The following RSU1 variants were observed in gnomAD, a reference collection of about 807,000 sequenced individuals.
RSU1 encodes rsu-1.
In RSU1, 26 loss-of-function variants were observed where a neutral mutation model predicts 31.1. The observed-to-expected ratio is 0.84, with a 90% CI of 0.61 to 1.16. The LOEUF (loss-of-function observed/expected upper bound fraction) is 1.16, where lower values mean the gene tolerates loss of function less well. RSU1 is among the 50% of genes most tolerant of loss of function. RSU1 has a pLI of 0.00. For synonymous variants in RSU1, 164 were observed against 136.3 expected (o/e 1.20, Z -1.41); for missense variants, 320 against 339.1 (o/e 0.94, Z 0.44).
intron 8 of RSU1, among the ~76,000 whole-genome samples, chr10:16,622,077 C>T (rs1834080164): frequency 6.6e-6 from 1 of 152,012 alleles, no homozygotes; most frequent in Admixed American, 6.6e-5. Flanking sequence ...AACTCATGTA[C>T]CCCATAAATA....
chr10:16,723,011 A>ATATACATATATGCATATAGAC (rs1564332743), intron 7 of RSU1: 1 of 148,386 alleles, frequency 6.7e-6, no homozygotes, highest in African/African-American at 2.5e-5. Context: ...TATAGACACA[A>ATATACATATATGCATATAGAC]ACATACACAC....
chr10:16,773,998 C>A (rs1311774882), intron 3 of RSU1, among the ~76,000 whole-genome samples: 1 of 151,396 alleles, frequency 6.6e-6, no homozygotes, highest in Admixed American at 6.6e-5. Flanking sequence ...AACGCAAGGT[C>A]AATGAGTTTG....
intron 8 of RSU1, among the ~76,000 whole-genome samples, chr10:16,652,799 C>T (rs533576878): frequency 6.6e-6 from 1 of 152,172 alleles, no homozygotes; most frequent in African/African-American, 2.4e-5. Context: ...CCTCCCATCT[C>T]AGCCTCCCAA....
Position 16,592,795 on chromosome 10 carries a change from T to TATCA in RSU1, c.*595_*598dup. 6.6e-6 allele frequency: 1 copy of TATCA among 152,264 alleles called. No individual in the cohort carries two copies. Among genetic ancestry groups the TATCA allele is most frequent in the African/African-American group, 2.4e-5 (1 of 41,472 alleles). 9.4% of individuals were successfully genotyped at this position (152,264 alleles called of 1,614,324 possible). On this transcript the variant is annotated 3_prime_UTR_variant, in exon 9 of 9. Coordinates refer to ENST00000345264, the MANE Select transcript of RSU1 (RefSeq NM_012425.4). The stretch of plus-strand genomic sequence containing the variant: ...TTTTGCATTTCTTTCATGAAAAGTT[T>TATCA]ATCATGTATAACCAATAAAATTGGA...
At chr10:16,746,613 G>A (rs1346142566) in intron 7 of RSU1, among the ~76,000 whole-genome samples, 1 of 149,882 alleles carries the variant, frequency 6.7e-6, no homozygotes, top group Non-Finnish European at 1.5e-5. Context: ...ATGCAGAAAT[G>A]GAATAGAAAA....
chr10:16,650,033 C>A (rs756394701), intron 8 of RSU1, among the ~76,000 whole-genome samples: 1 of 152,062 alleles, frequency 6.6e-6, no homozygotes, highest in Admixed American at 6.6e-5. Context: ...AGTTGTAGAG[C>A]GCTTTGTAAA....
At chr10:16,735,425 A>G (rs1836605579) in intron 7 of RSU1, among the ~76,000 whole-genome samples, 2 of 152,214 alleles carry the variant, frequency 1.3e-5, no homozygotes, top group South Asian at 4.1e-4. Context: ...CAGAAAAATA[A>G]TTATACCTTT....
chr10:16,594,872 C>T (rs1296833252), intron 8 of RSU1, among the ~76,000 whole-genome samples: 2 of 148,070 alleles, frequency 1.4e-5, no homozygotes, highest in Non-Finnish European at 3.0e-5. Flanking sequence ...GCAACCTCTG[C>T]CTCCCAGGTT....
At chr10:16,621,149 G>C (rs1834061971) in intron 8 of RSU1, among the ~76,000 whole-genome samples, 1 of 152,192 alleles carries the variant, frequency 6.6e-6, no homozygotes, top group Non-Finnish European at 1.5e-5. Flanking sequence ...ATTTGGCAAT[G>C]TCTAGGGATA....
At chr10:16,674,854 G>C (rs555098693) in intron 8 of RSU1, among the ~76,000 whole-genome samples, 1 of 151,994 alleles carries the variant, frequency 6.6e-6, no homozygotes, top group Non-Finnish European at 1.5e-5. Flanking sequence ...CTAACACAGC[G>C]AAACTCCATC....
intron 8 of RSU1, among the ~76,000 whole-genome samples, chr10:16,618,798 G>A (rs890972274): frequency 2.0e-5 from 3 of 152,134 alleles, no homozygotes; most frequent in South Asian, 2.1e-4. Context: ...AAGACACAGG[G>A]AGGGGAACTC....
At position 16,656,976 on chromosome 10, in the gene RSU1, T is replaced by A. The variant is rs550416393; in HGVS notation, c.731+38047A>T. ...ACCGTCCACACAAGGAAAACACTGT[T>A]CTCTTTAAATCTTGGAAATATGCAA... On this transcript the variant is annotated intron_variant, in intron 8 of 8. Transcript: ENST00000345264. 1.1e-4 allele frequency among the ~76,000 whole-genome samples: 16 copies of A among 152,334 alleles called. No individual in the cohort carries two copies. The Middle Eastern group carries it at 0.01, about 97-fold the overall frequency.
chr10:16,780,754 T>G (rs568699268), intron 3 of RSU1, among the ~76,000 whole-genome samples: 1 of 152,324 alleles, frequency 6.6e-6, no homozygotes, highest in East Asian at 1.9e-4. Context: ...ACTGAGAATC[T>G]GGTCTCTGTG....
At chr10:16,804,018 A>G (rs1318747864) in intron 2 of RSU1, among the ~76,000 whole-genome samples, 1 of 152,196 alleles carries the variant, frequency 6.6e-6, no homozygotes, top group East Asian at 1.9e-4. Context: ...TGTGAAAAAT[A>G]TCATTAAGGG....
chr10:16,652,894 G>C (rs1378845894), intron 8 of RSU1, among the ~76,000 whole-genome samples: 1 of 151,852 alleles, frequency 6.6e-6, no homozygotes, highest in Non-Finnish European at 1.5e-5. Flanking sequence ...GCCCAGGCTG[G>C]TTTGAAACTC....
chr10:16,747,956 C>T (rs941441625), intron 7 of RSU1, among the ~76,000 whole-genome samples: 1 of 152,200 alleles, frequency 6.6e-6, no homozygotes, highest in African/African-American at 2.4e-5. Context: ...ATGGCTTGAG[C>T]CTGGGAGACA....
chr10:16,770,045 A>G (rs1837391862), intron 3 of RSU1, among the ~76,000 whole-genome samples: 1 of 152,142 alleles, frequency 6.6e-6, no homozygotes, highest in Non-Finnish European at 1.5e-5. Context: ...AGTCATACAA[A>G]GAGATGTCAC....
At chr10:16,803,861 C>A (rs1005128174) in intron 2 of RSU1, among the ~76,000 whole-genome samples, 4 of 152,062 alleles carry the variant, frequency 2.6e-5, no homozygotes, top group Non-Finnish European at 4.4e-5. Context: ...ATGAAAAACA[C>A]AAAGCTATAA....
chr10:16,607,649 C>T (rs1833826517), intron 8 of RSU1, among the ~76,000 whole-genome samples: 1 of 152,196 alleles, frequency 6.6e-6, no homozygotes, highest in Non-Finnish European at 1.5e-5. Flanking sequence ...CCAGACCTCA[C>T]AAAGATAAAG....
Sources: gnomAD v4.1 joint callset for allele counts (sites outside exome capture counted in the v4.1 genomes callset) on GRCh38, gnomAD v4.1.1 for gene constraint, MANE v1.5 for transcripts, NCBI Gene and HGNC (gene_info 2026-07-23, HGNC 2026-07-21) for gene names.